GPC5: variants seen among roughly 807,000 people sequenced by gnomAD.
GPC5 encodes the protein glypican 5, also known as glypican-5.
GPC5 carries 47 observed loss-of-function variants against 53.9 expected under a neutral mutation model. That is an observed-to-expected ratio of 0.87 (90% confidence interval 0.69 to 1.11). The LOEUF (loss-of-function observed/expected upper bound fraction) is 1.11, where lower values mean the gene tolerates loss of function less well. GPC5 is among the 50% of genes most tolerant of loss of function. The probability of loss-of-function intolerance (pLI) is 0.00; values close to 1 mark genes in which losing one functional copy is unlikely to be tolerated. For synonymous variants in GPC5, 286 were observed against 263.3 expected, an observed-to-expected ratio of 1.09 and a Z score of -0.84; for missense variants, 748 against 713.1, an observed-to-expected ratio of 1.05 and a Z score of -0.56.
intron 5 of GPC5, among the ~76,000 whole-genome samples, chr13:91,868,022 T>C (rs547043370): frequency 2.2e-4 from 33 of 152,308 alleles, no homozygotes; most frequent in African/African-American, 7.9e-4. Context: ...TATAGTTTTA[T>C]AGATACAGGA....
chr13:91,964,198 G>C (rs910915951), intron 6 of GPC5, among the ~76,000 whole-genome samples: 1 of 152,204 alleles, frequency 6.6e-6, no homozygotes. Context: ...GAGTGTTACA[G>C]CTCACAAAGG....
chr13:91,831,208 G>T (rs2038653814), intron 5 of GPC5, among the ~76,000 whole-genome samples: 1 of 150,696 alleles, frequency 6.6e-6, no homozygotes, highest in Non-Finnish European at 1.5e-5. Context: ...GAGCCAGTCC[G>T]AGTGAGTCCC....
chr13:91,466,866 C>A (rs930634484), intron 2 of GPC5, among the ~76,000 whole-genome samples: 1 of 152,084 alleles, frequency 6.6e-6, no homozygotes, highest in Non-Finnish European at 1.5e-5. Context: ...AACTCTAAGA[C>A]TGTGGGTATA....
At chr13:92,835,398 A>G (rs9989122) in intron 7 of GPC5, among the ~76,000 whole-genome samples, 3,576 of 152,108 alleles carry the variant, frequency 0.024, 115 homozygotes, top group African/African-American at 0.08. Context: ...ACAAGCATCA[A>G]CAGAGATCAG....
In GPC5 at chr13:91,562,503, G is replaced by A. The variant is rs374262060; in HGVS notation, c.325+113581G>A. 9.0e-4 allele frequency among the ~76,000 whole-genome samples: 137 copies of A among 151,798 alleles called. 1 individual carries two copies. The South Asian group carries it at 0.025, about 28-fold the overall frequency. On this transcript the variant is annotated intron_variant, in intron 2 of 7. Transcript: ENST00000377067. ...TTTTGAGACAGAGTCTCACTCTGTCGCCCAGGTTGGAGAGCAGTGAGGCTC... is the reference window on the plus strand; with the variant it reads ...TTTTGAGACAGAGTCTCACTCTGTCACCCAGGTTGGAGAGCAGTGAGGCTC...
chr13:91,745,445 C>T (rs377703163), intron 4 of GPC5, among the ~76,000 whole-genome samples: 1 of 121,454 alleles, frequency 8.2e-6, no homozygotes, highest in African/African-American at 3.1e-5. Flanking sequence ...TCTAAGGAGC[C>T]CACTCTCTGA....
chr13:92,747,469 G>T (rs973093246), intron 7 of GPC5, among the ~76,000 whole-genome samples: 1 of 152,174 alleles, frequency 6.6e-6, no homozygotes, highest in African/African-American at 2.4e-5. Context: ...GTTTTAAGGA[G>T]AGAGCATGAG....
chr13:91,645,637 T>C (rs2034540476), intron 2 of GPC5, among the ~76,000 whole-genome samples: 1 of 152,230 alleles, frequency 6.6e-6, no homozygotes, highest in Non-Finnish European at 1.5e-5. Context: ...GATTTCCTTA[T>C]CCTACTACTA....
intron 7 of GPC5, among the ~76,000 whole-genome samples, chr13:92,786,024 A>G (rs749386900): frequency 4.6e-5 from 7 of 152,228 alleles, no homozygotes; most frequent in Non-Finnish European, 8.8e-5. Context: ...CAAAATATGG[A>G]TAGTACATGT....
intron 2 of GPC5, among the ~76,000 whole-genome samples, chr13:91,624,890 A>G (rs2033957459): frequency 6.6e-6 from 1 of 151,882 alleles, no homozygotes. Flanking sequence ...AGCTCAATAA[A>G]AGCTCTACTC....
At chr13:91,587,045 A>C (rs1192527775) in intron 2 of GPC5, among the ~76,000 whole-genome samples, 2 of 152,260 alleles carry the variant, frequency 1.3e-5, no homozygotes, top group East Asian at 1.9e-4. Flanking sequence ...AAATGTTTCA[A>C]TAGTATTTGT....
At chr13:91,618,507 C>T (rs2033761134) in intron 2 of GPC5, among the ~76,000 whole-genome samples, 1 of 152,058 alleles carries the variant, frequency 6.6e-6, no homozygotes, top group Non-Finnish European at 1.5e-5. Flanking sequence ...TCAGCCCACT[C>T]ATGTGTACAC....
intron 5 of GPC5, among the ~76,000 whole-genome samples, chr13:91,890,844 T>A (rs1017867380): frequency 3.9e-4 from 60 of 152,206 alleles, no homozygotes; most frequent in African/African-American, 1.4e-3. Context: ...TTAAGAGGAG[T>A]AGAAGTCTCA....
At chr13:92,112,974 A>C (rs943582515) in intron 6 of GPC5, among the ~76,000 whole-genome samples, 61 of 152,258 alleles carry the variant, frequency 4.0e-4, no homozygotes, top group African/African-American at 1.4e-3. Context: ...CACAACCAAA[A>C]TATTAAGTTT....
intron 2 of GPC5, among the ~76,000 whole-genome samples, chr13:91,543,546 G>C (rs375040881): frequency 7.6e-6 from 1 of 132,068 alleles, no homozygotes; most frequent in Non-Finnish European, 1.7e-5. Context: ...GAGAGAGAGA[G>C]AGAATAAGGT....
chr13:92,224,872 T>C (rs762143292), intron 7 of GPC5, among the ~76,000 whole-genome samples: 1 of 152,240 alleles, frequency 6.6e-6, no homozygotes, highest in Non-Finnish European at 1.5e-5. Flanking sequence ...CTTTTCTCTT[T>C]ACTGATTTTT....
rs865991387 is a variant in GPC5 at position 92,264,944 on chromosome 13, C to T, written c.1561+119955C>T. ...TGTGTGTTGCAACTCCATTGCATTCCAGGTTCAAGGCTGCACGGAAATGTA... is the reference window on the plus strand; with the variant it reads ...TGTGTGTTGCAACTCCATTGCATTCTAGGTTCAAGGCTGCACGGAAATGTA... On this transcript the variant is annotated intron_variant, in intron 7 of 7. Transcript: ENST00000377067. Among the ~76,000 whole-genome samples the T allele has an allele frequency of 9.1e-5, 13 of 143,380 alleles. 1 individual carries two copies. The Middle Eastern group carries it at 0.015, about 163-fold the overall frequency. 94.1% of individuals were successfully genotyped at this position (143,380 alleles called of 152,430 possible).
intron 5 of GPC5, among the ~76,000 whole-genome samples, chr13:91,762,246 A>G (rs2037428269): frequency 1.3e-5 from 2 of 152,088 alleles, no homozygotes; most frequent in African/African-American, 4.8e-5. Flanking sequence ...GTACTCTACC[A>G]ATTCTCACTT....
chr13:91,972,402 G>A (rs1197014260), intron 6 of GPC5, among the ~76,000 whole-genome samples: 1 of 152,006 alleles, frequency 6.6e-6, no homozygotes, highest in African/African-American at 2.4e-5. Context: ...CACACTGATG[G>A]GTCTTGACTC....
Sources: gnomAD v4.1 joint callset for allele counts (sites outside exome capture counted in the v4.1 genomes callset) on GRCh38, gnomAD v4.1.1 for gene constraint, MANE v1.5 for transcripts, NCBI Gene and HGNC (gene_info 2026-07-23, HGNC 2026-07-21) for gene names.